Variants in USH2A observed in about 807,000 individuals in gnomAD.
The protein encoded by USH2A is Usher syndrome 2A (autosomal recessive, mild).
USH2A carries 443 observed loss-of-function variants against 538.9 expected under a neutral mutation model. The ratio of observed to expected loss-of-function variants is 0.82; its 90% CI spans 0.76 to 0.89. The LOEUF (loss-of-function observed/expected upper bound fraction) is 0.89, where lower values mean the gene tolerates loss of function less well. USH2A is among the 40% of genes least tolerant of loss of function. The probability of loss-of-function intolerance (pLI) is 0.00; values close to 1 mark genes in which losing one functional copy is unlikely to be tolerated. For missense variants in USH2A, 6,633 were observed against 6,324.8 expected (o/e 1.05, Z -1.65); for synonymous variants, 2,413 against 2,273.5 (o/e 1.06, Z -1.75).
chr1:215,909,574 T>A (rs980460613), intron 38 of USH2A, among the ~76,000 whole-genome samples: 6 of 151,868 alleles, frequency 4.0e-5, no homozygotes, highest in African/African-American at 1.5e-4. Context: ...GCTGTGAACC[T>A]AAAGCTGCTC....
rs189220065 is a variant in USH2A at position 215,960,071 on chromosome 1, C to T, written c.7120+5246G>A. Among the ~76,000 whole-genome samples the T allele has an allele frequency of 9.2e-5, 14 of 152,200 alleles. No individual in the cohort carries two copies. The East Asian group carries it at 2.7e-3, about 29-fold the overall frequency. On this transcript the variant is annotated intron_variant, in intron 37 of 71. Transcript: ENST00000307340. ...GGAAGTCTAGTAGTAAAGAAGCTGC[C>T]ATTTGTAAAAATTATTCTATAGGAT...
intron 57 of USH2A, 119 bp from the exon 58 acceptor site, chr1:215,758,871 G>A: frequency 1.8e-6 from 2 of 1,101,824 alleles, no homozygotes; most frequent in Non-Finnish European, 2.7e-6. Flanking sequence ...CAAACTCTTT[G>A]CCCCCTTTCC....
At chr1:215,878,233 A>G (rs970862881) in intron 42 of USH2A, among the ~76,000 whole-genome samples, 4 of 152,304 alleles carry the variant, frequency 2.6e-5, no homozygotes, top group South Asian at 2.1e-4. Context: ...ATGACTATCA[A>G]TACTTTATAA....
intron 38 of USH2A, 185 bp from the exon 39 acceptor site, chr1:215,901,090 C>CAATTACATTA (rs1665486907): frequency 1.4e-6 from 1 of 729,874 alleles, no homozygotes; most frequent in African/African-American, 1.8e-5. Flanking sequence ...CATTTCAACA[C>CAATTACATTA]AATTACATTA....
chr1:215,792,849 T>C (rs988832384), intron 50 of USH2A, among the ~76,000 whole-genome samples: 1 of 152,224 alleles, frequency 6.6e-6, no homozygotes, highest in Non-Finnish European at 1.5e-5. Context: ...AAATAGGTCA[T>C]GCATTATTGA....
intron 11 of USH2A, among the ~76,000 whole-genome samples, chr1:216,284,451 T>C (rs893938825): frequency 6.6e-6 from 1 of 152,192 alleles, no homozygotes; most frequent in African/African-American, 2.4e-5. Context: ...CCTTCTGCCA[T>C]GATTGTAAGT....
chr1:215,629,780 T>TTCTTTTC (rs1656200542), intron 70 of USH2A, among the ~76,000 whole-genome samples: 1 of 148,298 alleles, frequency 6.7e-6, no homozygotes, highest in South Asian at 2.1e-4. Flanking sequence ...TTTCTTTTTT[T>TTCTTTTC]TTTTTTTTTT....
chr1:215,905,573 T>C (rs1008854026), intron 38 of USH2A, among the ~76,000 whole-genome samples: 1 of 152,062 alleles, frequency 6.6e-6, no homozygotes, highest in Non-Finnish European at 1.5e-5. Flanking sequence ...GAGGTATAAA[T>C]GCTACGGGGG....
chr1:215,869,501 C>T (rs1571764713), intron 43 of USH2A, among the ~76,000 whole-genome samples: 2 of 151,986 alleles, frequency 1.3e-5, no homozygotes, highest in African/African-American at 4.8e-5. Flanking sequence ...GATGATGAGT[C>T]GGGGTTAAGA....
intron 30 of USH2A, among the ~76,000 whole-genome samples, chr1:216,064,402 T>C (rs1371403956): frequency 6.6e-6 from 1 of 151,944 alleles, no homozygotes; most frequent in East Asian, 1.9e-4. Flanking sequence ...GGGAAAACCT[T>C]TGGGATGTGA....
At chr1:216,147,322 C>G (rs902984072) in intron 21 of USH2A, among the ~76,000 whole-genome samples, 7 of 152,018 alleles carry the variant, frequency 4.6e-5, no homozygotes, top group Non-Finnish European at 7.4e-5. Flanking sequence ...ACACCTGGTC[C>G]GGCTTACAGT....
chr1:215,782,370 T>C (rs1367179526), intron 53 of USH2A, among the ~76,000 whole-genome samples, 174 bp from the exon 54 acceptor site: 1 of 146,276 alleles, frequency 6.8e-6, no homozygotes, highest in Non-Finnish European at 1.5e-5. Context: ...ATGGAGGAGA[T>C]GGATTCTTGA....
intron 32 of USH2A, among the ~76,000 whole-genome samples, chr1:216,042,990 G>A (rs908298697): frequency 2.6e-5 from 4 of 151,986 alleles, no homozygotes; most frequent in Non-Finnish European, 4.4e-5. Flanking sequence ...TCTTGGTCTC[G>A]GACTTTCAGC....
At chr1:216,329,103 C>T (rs2037796501) in intron 4 of USH2A, among the ~76,000 whole-genome samples, 1 of 152,124 alleles carries the variant, frequency 6.6e-6, no homozygotes, top group South Asian at 2.1e-4. Flanking sequence ...TCTATCTATC[C>T]TAAAACAGGC....
At chr1:216,015,142 A>T (rs1252734559) in intron 32 of USH2A, among the ~76,000 whole-genome samples, 2 of 152,146 alleles carry the variant, frequency 1.3e-5, no homozygotes, top group Non-Finnish European at 2.9e-5. Flanking sequence ...ATGTTTAAAA[A>T]TTTTAGAGCA....
intron 55 of USH2A, among the ~76,000 whole-genome samples, chr1:215,774,319 G>A (rs746148345): frequency 6.6e-6 from 1 of 151,696 alleles, no homozygotes; most frequent in East Asian, 2.0e-4. Context: ...ATCCCAAGAC[G>A]CCTTTCCTAA....
At chr1:216,147,845 G>A (rs2033742879) in intron 21 of USH2A, among the ~76,000 whole-genome samples, 1 of 151,500 alleles carries the variant, frequency 6.6e-6, no homozygotes, top group Non-Finnish European at 1.5e-5. Flanking sequence ...CTGGCCACTG[G>A]GCCAAGGAAT....
intron 20 of USH2A, among the ~76,000 whole-genome samples, chr1:216,180,092 T>C (rs2034464149): frequency 6.6e-6 from 1 of 152,090 alleles, no homozygotes; most frequent in Non-Finnish European, 1.5e-5. Context: ...GAAAACAAGT[T>C]TCTATACAAA....
chr1:216,243,103 G>A (rs1008034854), intron 13 of USH2A, among the ~76,000 whole-genome samples: 1 of 152,050 alleles, frequency 6.6e-6, no homozygotes, highest in African/African-American at 2.4e-5. Flanking sequence ...TAATATCCTG[G>A]GTCAATAACT....
Sources: gnomAD v4.1 joint callset for allele counts (sites outside exome capture counted in the v4.1 genomes callset) on GRCh38, gnomAD v4.1.1 for gene constraint, MANE v1.5 for transcripts, NCBI Gene and HGNC (gene_info 2026-07-23, HGNC 2026-07-21) for gene names.